Variants in TRAF3 observed in about 807,000 individuals in gnomAD.
TRAF3 encodes TNF receptor associated factor 3, also known as TNF receptor-associated factor 3.
In TRAF3, 13 loss-of-function variants were observed where a neutral mutation model predicts 62.3. The observed-to-expected ratio is 0.21, with a 90% CI of 0.14 to 0.33. TRAF3 has a LOEUF of 0.33. Ranked by LOEUF, TRAF3 falls within the 10% of genes least tolerant of loss-of-function variation. The pLI is 1.00. For synonymous variants in TRAF3, 269 were observed against 283.4 expected (o/e 0.95, Z 0.51); for missense variants, 440 against 741.8 (o/e 0.59, Z 4.73).
Position 102,811,630 on chromosome 14 carries a change from G to T in TRAF3, c.-156-18704G>T, listed in dbSNP as rs937652896. On this transcript the variant is annotated intron_variant, in intron 1 of 11. Coordinates refer to ENST00000392745, the MANE Select transcript of TRAF3 (RefSeq NM_145725.3). ...ATCTCTTGTCTCATAGTGCAAAGGC[G>T]ATGAAGGCCTTCATTACAGTCTCTC... Among the ~76,000 whole-genome samples, 4 of 147,438 alleles carry T rather than the reference G, an allele frequency of 2.7e-5. No individual in the cohort carries two copies. The East Asian group carries it at 8.0e-4, about 29-fold the overall frequency.
intron 1 of TRAF3, among the ~76,000 whole-genome samples, chr14:102,779,869 A>G (rs1368131816): frequency 6.6e-6 from 1 of 152,374 alleles, no homozygotes; most frequent in South Asian, 2.1e-4. Flanking sequence ...GTATTATGCA[A>G]TAGCTGAATT....
At chr14:102,849,550 T>C (rs547730268) in intron 2 of TRAF3, among the ~76,000 whole-genome samples, 1 of 152,344 alleles carries the variant, frequency 6.6e-6, no homozygotes, top group South Asian at 2.1e-4. Context: ...TTTAAGACCA[T>C]GTGTTATACT....
chr14:102,889,033 C>T (rs1270515955), intron 7 of TRAF3, among the ~76,000 whole-genome samples: 1 of 152,152 alleles, frequency 6.6e-6, no homozygotes, highest in African/African-American at 2.4e-5. Flanking sequence ...CTGGCCCTTA[C>T]AGAGGGAAAA....
At chr14:102,830,117 G>A (rs1029202401) in intron 1 of TRAF3, among the ~76,000 whole-genome samples, 3 of 152,346 alleles carry the variant, frequency 2.0e-5, no homozygotes, top group East Asian at 1.9e-4. Context: ...GGTTGCTGCC[G>A]AGGCGGCAGC....
chr14:102,779,268 G>GTTTT (rs1897170192), intron 1 of TRAF3, among the ~76,000 whole-genome samples: 5 of 74,116 alleles, frequency 6.7e-5, no homozygotes, highest in Non-Finnish European at 1.2e-4. Context: ...GAGAATTCCA[G>GTTTT]CTTTTTTTTT....
At chr14:102,784,044 G>C (rs1411384394) in intron 1 of TRAF3, among the ~76,000 whole-genome samples, 1 of 152,104 alleles carries the variant, frequency 6.6e-6, no homozygotes, top group African/African-American at 2.4e-5. Flanking sequence ...GACCACAGAA[G>C]TTTTCTAGTT....
intron 2 of TRAF3, among the ~76,000 whole-genome samples, chr14:102,862,845 T>C (rs746078315): frequency 1.3e-5 from 2 of 152,192 alleles, no homozygotes; most frequent in Non-Finnish European, 2.9e-5. Context: ...TATCCTATCT[T>C]TAAGTTCTCT....
intron 7 of TRAF3, among the ~76,000 whole-genome samples, chr14:102,887,234 C>T (rs139194749): frequency 6.6e-5 from 10 of 152,344 alleles, no homozygotes; most frequent in Admixed American, 2.6e-4. Flanking sequence ...ATGTGTGGTA[C>T]GCTGATCTAA....
Position 102,891,436 on chromosome 14 carries a change from T to C in TRAF3, c.819+19T>C, listed in dbSNP as rs1175876591. 4 of 1,601,588 alleles carry C rather than the reference T, an allele frequency of 2.5e-6. No individual in the cohort carries two copies. The South Asian group carries it at 4.5e-5, about 18-fold the overall frequency. On this transcript the variant is annotated intron_variant, in intron 9 of 11. Transcript: ENST00000392745. ...AAAGAAGGTGGGCTGCACACTTTCC[T>C]GCTGCTATGGGATTTGTATCATCTC...
At chr14:102,831,840 G>A (rs1414554634) in intron 2 of TRAF3, among the ~76,000 whole-genome samples, 1 of 152,058 alleles carries the variant, frequency 6.6e-6, no homozygotes, top group African/African-American at 2.4e-5. Flanking sequence ...ATTACAACTT[G>A]CAGCTTCATA....
intron 10 of TRAF3, among the ~76,000 whole-genome samples, chr14:102,900,499 A>G (rs969068624): frequency 1.1e-4 from 16 of 152,350 alleles, no homozygotes; most frequent in Admixed American, 9.8e-4. Flanking sequence ...AGACTGTCTC[A>G]AAGAAAAAAA....
chr14:102,900,698 G>A (rs990570265), intron 10 of TRAF3, among the ~76,000 whole-genome samples: 5 of 152,210 alleles, frequency 3.3e-5, no homozygotes, highest in East Asian at 1.9e-4. Context: ...TCACAGCGCC[G>A]GGCTTGTGTG....
intron 2 of TRAF3, among the ~76,000 whole-genome samples, chr14:102,842,181 T>C (rs1254481357): frequency 1.3e-5 from 2 of 150,208 alleles, no homozygotes; most frequent in South Asian, 2.1e-4. Flanking sequence ...GAGGTGGAGG[T>C]TGCAGTGAGC....
At chr14:102,864,879 T>C (rs1383086309) in intron 2 of TRAF3, among the ~76,000 whole-genome samples, 1 of 152,206 alleles carries the variant, frequency 6.6e-6, no homozygotes, top group Non-Finnish European at 1.5e-5. Flanking sequence ...GAGGGAGATA[T>C]GCCAGGTTAG....
At chr14:102,862,358 C>T (rs1182849516) in intron 2 of TRAF3, among the ~76,000 whole-genome samples, 1 of 150,108 alleles carries the variant, frequency 6.7e-6, no homozygotes, top group African/African-American at 2.5e-5. Context: ...ATGATTGCAC[C>T]ACACTGCACT....
intron 1 of TRAF3, among the ~76,000 whole-genome samples, chr14:102,808,522 AAAAAAG>A (rs1298308211): frequency 1.3e-5 from 2 of 151,994 alleles, no homozygotes; most frequent in African/African-American, 4.8e-5. Context: ...CAAAAAAAAA[AAAAAAG>A]AAAAGAAGAA....
intron 1 of TRAF3, among the ~76,000 whole-genome samples, chr14:102,818,247 A>C (rs1388229913): frequency 2.0e-5 from 3 of 152,120 alleles, no homozygotes; most frequent in Non-Finnish European, 2.9e-5. Flanking sequence ...ACAATATTTA[A>C]CAATCAGTAG....
At chr14:102,864,595 A>G (rs1887875045) in intron 2 of TRAF3, among the ~76,000 whole-genome samples, 1 of 152,184 alleles carries the variant, frequency 6.6e-6, no homozygotes, top group South Asian at 2.1e-4. Context: ...GAGGTTGCCA[A>G]ATTTACGTAC....
At chr14:102,904,051 G>A (rs942728564) in intron 11 of TRAF3, among the ~76,000 whole-genome samples, 4 of 152,202 alleles carry the variant, frequency 2.6e-5, no homozygotes, top group Admixed American at 6.5e-5. Context: ...TGCTGAGGCC[G>A]GAGGGAGGAG....
Sources: gnomAD v4.1 joint callset for allele counts (sites outside exome capture counted in the v4.1 genomes callset) on GRCh38, gnomAD v4.1.1 for gene constraint, MANE v1.5 for transcripts, NCBI Gene and HGNC (gene_info 2026-07-23, HGNC 2026-07-21) for gene names.